Variants in NET1 observed in about 807,000 individuals in gnomAD.
NET1 encodes the protein neuroepithelial cell transforming 1, also known as neuroepithelial cell-transforming gene 1 protein.
Under a neutral mutation model 61.1 loss-of-function variants are expected in NET1, and 42 were observed. That is an observed-to-expected ratio of 0.69 (90% CI 0.54 to 0.89). The LOEUF is 0.89. Ranked by LOEUF, NET1 falls within the 40% of genes least tolerant of loss-of-function variation. The probability of loss-of-function intolerance (pLI) is 0.00; values close to 1 mark genes in which losing one functional copy is unlikely to be tolerated. For missense variants in NET1, 654 were observed against 747.3 expected, an observed-to-expected ratio of 0.88 and a Z score of 1.46; for synonymous variants, 254 against 281.8, an observed-to-expected ratio of 0.90 and a Z score of 0.99.
chr10:5,432,189 C>G (rs898289988), intron 3 of NET1, among the ~76,000 whole-genome samples: 1 of 152,038 alleles, frequency 6.6e-6, no homozygotes, highest in Non-Finnish European at 1.5e-5. Context: ...GTTGATAGGA[C>G]TTTTTAATGA....
rs1832722223 is a variant in NET1, at chr10:5,452,500, C to T, written c.506C>T (p.Thr169Ile). Reference sequence around the variant, plus strand: ...GACATCACCATGAAGGAGTCTCTCACCACCAGGGAGATCAGACGGCAGGAG... The same window carrying T: ...GACATCACCATGAAGGAGTCTCTCATCACCAGGGAGATCAGACGGCAGGAG... ...MLDITMKESLTTREIRRQEAI... is the reference protein window; with the variant it reads ...MLDITMKESLITREIRRQEAI... Residue 169 changes from threonine to isoleucine, a missense_variant, in exon 5 of 12, where the codon ACC (threonine) becomes ATC (isoleucine). Coordinates refer to ENST00000355029, the MANE Select transcript of NET1 (RefSeq NM_001047160.3). The surrounding 1 kb of genome is among the most constrained non-coding windows in gnomAD (Gnocchi z 4.0). 1 of 1,613,784 alleles carries T rather than the reference C, an allele frequency of 6.2e-7. No individual in the cohort carries two copies. The highest frequency in any genetic ancestry group is 8.5e-7 in the Non-Finnish European group (1 of 1,179,860).
Position 5,456,227 on chromosome 10 carries a change from G to C in NET1, c.1338G>C (p.Val446=), listed in dbSNP as rs1270101356. The C allele has an allele frequency of 6.2e-7, 1 of 1,613,978 alleles. No individual in the cohort carries two copies. The highest frequency in any genetic ancestry group is 1.1e-5 in the South Asian group (1 of 90,998). The change falls in exon 11 of 12, where the codon GTG becomes GTC. Residue 446 remains valine (V), a synonymous_variant. Coordinates refer to ENST00000355029, the MANE Select transcript of NET1 (RefSeq NM_001047160.3). This position sits in a 1 kb window ranked among gnomAD's most constrained non-coding sequence, Gnocchi z 7.0. ...TAGAAGACCTGCAGGATGGAGATGT[G>C]AGAATGGGAGGCTCCTTTCGAGGAG... ...LVLEDLQDGD[V]RMGGSFRGAF...
Position 5,435,256 on chromosome 10 carries a change from CTTTTTA to C in NET1, c.255+6033_255+6038del, listed in dbSNP as rs2119187594. On this transcript the variant is annotated intron_variant, in intron 3 of 11. Transcript: ENST00000355029. The surrounding 1 kb of genome is among the most constrained non-coding windows in gnomAD (Gnocchi z 5.0). ...TGGGACCTAGGAACATTTGATTTTT[CTTTTTA>C]TTTTTTAAAGATACCAGGTGATTCT... 6.6e-6 allele frequency among the ~76,000 whole-genome samples: 1 copy of C among 152,090 alleles called. No homozygotes were observed. Among genetic ancestry groups the C allele is most frequent in the Non-Finnish European group, 1.5e-5 (1 of 67,974 alleles).
rs143945336 is a variant in NET1, at chr10:5,456,976, G to T, written c.1773G>T (p.Arg591=). 6.4e-7 allele frequency: 1 copy of T among 1,564,044 alleles called. No individual in the cohort carries two copies. The highest frequency in any genetic ancestry group is 8.7e-7 in the Non-Finnish European group (1 of 1,154,614). Residue 591 remains arginine, a synonymous_variant, in exon 12 of 12, where the codon CGG becomes CGT. Transcript: ENST00000355029. This position sits in a 1 kb window ranked among gnomAD's most constrained non-coding sequence, Gnocchi z 7.0. The part of the protein sequence containing the change: ...ARDKALSGGK[R]KETLV ...ACAAAGCCCTTTCTGGTGGCAAACG[G>T]AAAGAGACTTTGGTGTAGAGAAGGC...
rs962231933 is a variant in NET1 at position 5,441,134 on chromosome 10, C to T, written c.256-10696C>T. Among the ~76,000 whole-genome samples, 2 of 152,212 alleles carry T rather than the reference C, an allele frequency of 1.3e-5. No homozygotes were observed. Among genetic ancestry groups the T allele is most frequent in the African/African-American group, 2.4e-5 (1 of 41,458 alleles). On this transcript the variant is annotated intron_variant, in intron 3 of 11. Transcript: ENST00000355029. The surrounding 1 kb of genome is among the most constrained non-coding windows in gnomAD (Gnocchi z 4.6). Reference sequence around the variant, plus strand: ...GAACCCTCTGAAGAGCTGTGTAAAACACACCACAGACTTCTCCTCTCAACG... The same window carrying T: ...GAACCCTCTGAAGAGCTGTGTAAAATACACCACAGACTTCTCCTCTCAACG...
At chr10:5,434,911 C>G (rs916114255) in intron 3 of NET1, among the ~76,000 whole-genome samples, 18 of 152,136 alleles carry the variant, frequency 1.2e-4, no homozygotes, top group African/African-American at 3.9e-4. Flanking sequence ...TCATCTGCAT[C>G]TCTACCTACA....
chr10:5,434,084 G>A (rs1488403076), intron 3 of NET1, among the ~76,000 whole-genome samples: 1 of 152,040 alleles, frequency 6.6e-6, no homozygotes, highest in Non-Finnish European at 1.5e-5. Context: ...CCTTATAATA[G>A]TTTTAAGTGG....
Position 5,439,458 on chromosome 10 carries a change from C to T in NET1, c.255+10229C>T, listed in dbSNP as rs767236161. On this transcript the variant is annotated intron_variant, in intron 3 of 11. Coordinates refer to ENST00000355029, the MANE Select transcript of NET1 (RefSeq NM_001047160.3). The surrounding 1 kb of genome is among the most constrained non-coding windows in gnomAD (Gnocchi z 4.8). ...CTGGGCCATCTGTTCATGTTATATA[C>T]TGATGCCCTTTGGTCTTCCTTAAGC... Among the ~76,000 whole-genome samples the T allele has an allele frequency of 1.3e-5, 2 of 152,224 alleles. No individual in the cohort carries two copies. The highest frequency in any genetic ancestry group is 2.9e-5 in the Non-Finnish European group (2 of 68,034).
In NET1 at chr10:5,441,242, C is replaced by G. The variant is rs943715644; in HGVS notation, c.256-10588C>G. Among the ~76,000 whole-genome samples, 1 of 152,206 alleles carries G rather than the reference C, an allele frequency of 6.6e-6. No individual in the cohort carries two copies. The highest frequency in any genetic ancestry group is 1.5e-5 in the Non-Finnish European group (1 of 68,022). ...CCTTTCGGGTGTCCATCCCACACACCCGTGGCTACACATGTGCATGTGCCA... is the reference window on the plus strand; with the variant it reads ...CCTTTCGGGTGTCCATCCCACACACGCGTGGCTACACATGTGCATGTGCCA... On this transcript the variant is annotated intron_variant, in intron 3 of 11. Coordinates refer to ENST00000355029, the MANE Select transcript of NET1 (RefSeq NM_001047160.3). The surrounding 1 kb of genome is among the most constrained non-coding windows in gnomAD (Gnocchi z 4.6).
chr10:5,427,153 A>T lies in NET1; in HGVS notation c.195+432A>T, dbSNP rs1200161143. 1.3e-5 allele frequency among the ~76,000 whole-genome samples: 2 copies of T among 151,994 alleles called. No homozygotes were observed. The highest frequency in any genetic ancestry group is 1.5e-5 in the Non-Finnish European group (1 of 67,970). ...TCTGCTATTAATCATCTCAGCATAG[A>T]GGGACTCTATTATTTTTATAGCAGG... On this transcript the variant is annotated intron_variant, in intron 2 of 11. Coordinates refer to ENST00000355029, the MANE Select transcript of NET1 (RefSeq NM_001047160.3). This position sits in a 1 kb window ranked among gnomAD's most constrained non-coding sequence, Gnocchi z 4.1.
Position 5,456,110 on chromosome 10 carries a change from A to C in NET1, c.1221A>C (p.Gln407His), listed in dbSNP as rs775386441. ...SGHKLYIFLF[Q>H]DILVLTRPVT... is the part of the protein sequence containing the mutation. ...AGAAACTTTACATTTTCCTGTTTCA[A>C]GACATCTTGGTTCTGACTCGGCCCG... The change falls in exon 11 of 12, where the codon CAA becomes CAC. Residue 407 changes from glutamine to histidine, a missense_variant. By Grantham distance (24) the Gln-to-His change is conservative. Coordinates refer to ENST00000355029, the MANE Select transcript of NET1 (RefSeq NM_001047160.3). This position sits in a 1 kb window ranked among gnomAD's most constrained non-coding sequence, Gnocchi z 7.0. The C allele has an allele frequency of 8.7e-6, 14 of 1,612,422 alleles. No individual in the cohort carries two copies. In the Admixed American group the frequency reaches 2.2e-4, roughly 25 times the overall value.
chr10:5,452,664 ATT>A lies in NET1; in HGVS notation c.531+140_531+141del. 1.0e-6 allele frequency: 1 copy of A among 956,058 alleles called. No homozygotes were observed. Among genetic ancestry groups the A allele is most frequent in the Non-Finnish European group, 1.5e-6 (1 of 646,140 alleles). The allele number at this position is 956,058 out of a possible 1,614,324, so 59.2% of individuals were successfully genotyped here. A position where few individuals can be genotyped will look rare whatever the true frequency, so the allele number is the denominator to read the frequency against. ...AAACCTAATGATGGATGGTGGTCAAATTAAACAACTCTAATAGGGTAAACTTA... is the reference window on the plus strand; with the variant it reads ...AAACCTAATGATGGATGGTGGTCAAAAAACAACTCTAATAGGGTAAACTTA... On this transcript the variant is annotated intron_variant, in intron 5 of 11. Coordinates refer to ENST00000355029, the MANE Select transcript of NET1 (RefSeq NM_001047160.3). This position sits in a 1 kb window ranked among gnomAD's most constrained non-coding sequence, Gnocchi z 4.0.
In NET1 at chr10:5,421,304, C is replaced by T. The variant is rs559732463; in HGVS notation, c.129-5351C>T. Reference sequence around the variant, plus strand: ...AAAGCCATAGAACTTTACATATCACCCATATGGCAGAAATATAAATACATA... The same window carrying T: ...AAAGCCATAGAACTTTACATATCACTCATATGGCAGAAATATAAATACATA... On this transcript the variant is annotated intron_variant, in intron 1 of 11. Transcript: ENST00000355029. This position sits in a 1 kb window ranked among gnomAD's most constrained non-coding sequence, Gnocchi z 4.2. Among the ~76,000 whole-genome samples the T allele has an allele frequency of 9.9e-5, 15 of 152,246 alleles. No homozygotes were observed. Among genetic ancestry groups the T allele is most frequent in the Admixed American group, 3.3e-4 (5 of 15,296 alleles).
intron 1 of NET1, among the ~76,000 whole-genome samples, chr10:5,425,726 G>A (rs949867647): frequency 8.5e-5 from 13 of 152,190 alleles, no homozygotes; most frequent in Non-Finnish European, 1.5e-5. Context: ...TCTCTGTCAA[G>A]ATGCAAATGA....
In NET1 at chr10:5,413,765, C is replaced by G. The variant is rs548336617; in HGVS notation, c.128+945C>G. On this transcript the variant is annotated intron_variant, in intron 1 of 11. Coordinates refer to ENST00000355029, the MANE Select transcript of NET1 (RefSeq NM_001047160.3). ...ACAATATCGAACTTAGAGTGTTTTG[C>G]AACAGGTTGAGAAGAGAATGTGCGA... Among the ~76,000 whole-genome samples, 33 of 152,204 alleles carry G rather than the reference C, an allele frequency of 2.2e-4. 1 individual carries two copies. The South Asian group carries it at 5.6e-3, about 26-fold the overall frequency.
In NET1 at chr10:5,424,832, C is replaced by G. The variant is rs958227712; in HGVS notation, c.129-1823C>G. Reference sequence around the variant, plus strand: ...CTTTCCTGGCAATTTTGACATCGAACCGTCTCTCAAATCAGCTTCTCCTCT... The same window carrying G: ...CTTTCCTGGCAATTTTGACATCGAAGCGTCTCTCAAATCAGCTTCTCCTCT... On this transcript the variant is annotated intron_variant, in intron 1 of 11. Transcript: ENST00000355029. The surrounding 1 kb of genome is among the most constrained non-coding windows in gnomAD (Gnocchi z 6.1). 2.6e-5 allele frequency among the ~76,000 whole-genome samples: 4 copies of G among 152,150 alleles called. No homozygotes were observed. Among genetic ancestry groups the G allele is most frequent in the African/African-American group, 4.8e-5 (2 of 41,426 alleles).
In NET1 at chr10:5,455,378, A is replaced by G. The variant is rs1277337646; in HGVS notation, c.1197+260A>G. ...AGGCCAGGGGTTCCTGTCTAAATAC[A>G]GTATTAGTTCCATAATGCTTAATAA... On this transcript the variant is annotated intron_variant, in intron 10 of 11. Transcript: ENST00000355029. The surrounding 1 kb of genome is among the most constrained non-coding windows in gnomAD (Gnocchi z 6.5). 6.6e-6 allele frequency among the ~76,000 whole-genome samples: 1 copy of G among 152,238 alleles called. No individual in the cohort carries two copies. The highest frequency in any genetic ancestry group is 2.4e-5 in the African/African-American group (1 of 41,458).
In NET1 at chr10:5,435,502, T is replaced by C. The variant is rs11253179; in HGVS notation, c.255+6273T>C. 0.011 allele frequency among the ~76,000 whole-genome samples: 251 copies of C among 22,624 alleles called. 2 individuals carry two copies. The highest frequency in any genetic ancestry group is 0.021 in the African/African-American group (200 of 9,436). 14.8% of individuals were successfully genotyped at this position (22,624 alleles called of 152,430 possible). A position where few individuals can be genotyped will look rare whatever the true frequency, so the allele number is the denominator to read the frequency against. On this transcript the variant is annotated intron_variant, in intron 3 of 11. Coordinates refer to ENST00000355029, the MANE Select transcript of NET1 (RefSeq NM_001047160.3). The surrounding 1 kb of genome is among the most constrained non-coding windows in gnomAD (Gnocchi z 5.0). ...ATAGATAGATAGATAGATAGATAGA[T>C]AGATAGATAGATAGATAGATAGATA...
chr10:5,422,864 A>G lies in NET1; in HGVS notation c.129-3791A>G, dbSNP rs1832198458. On this transcript the variant is annotated intron_variant, in intron 1 of 11. Transcript: ENST00000355029. The surrounding 1 kb of genome is among the most constrained non-coding windows in gnomAD (Gnocchi z 4.1). ...TGACCCAAATAAATGAATTGTTTCT[A>G]TAATAATTTAGTTTGTTTTTGCCTG... 6.6e-6 allele frequency among the ~76,000 whole-genome samples: 1 copy of G among 152,202 alleles called. No individual in the cohort carries two copies. The highest frequency in any genetic ancestry group is 1.5e-5 in the Non-Finnish European group (1 of 68,022).
Sources: allele counts gnomAD v4.1 joint callset (sites outside exome capture counted in the v4.1 genomes callset), GRCh38; gene constraint gnomAD v4.1.1; non-coding constraint Gnocchi (gnomAD v3.1); transcripts MANE v1.5; gene names NCBI Gene and HGNC (gene_info 2026-07-23, HGNC 2026-07-21).